Variants in KCNAB1 observed in about 807,000 individuals in gnomAD.
The protein encoded by KCNAB1 is voltage-gated potassium channel subunit beta-1.
Under a neutral mutation model 64.6 loss-of-function variants are expected in KCNAB1, and 35 were observed. The observed-to-expected ratio is 0.54, with a 90% CI of 0.41 to 0.72. KCNAB1 has a LOEUF of 0.72. Ranked by LOEUF, KCNAB1 falls within the 30% of genes least tolerant of loss-of-function variation. The probability of loss-of-function intolerance (pLI) is 0.00; values close to 1 mark genes in which losing one functional copy is unlikely to be tolerated. For synonymous variants in KCNAB1, 177 were observed against 183.8 expected, an observed-to-expected ratio of 0.96 and a Z score of 0.30; for missense variants, 401 against 512.9, an observed-to-expected ratio of 0.78 and a Z score of 2.11.
At chr3:156,529,507 G>T (rs1442414585) in intron 12 of KCNAB1, among the ~76,000 whole-genome samples, 1 of 147,874 alleles carries the variant, frequency 6.8e-6, no homozygotes, top group Non-Finnish European at 1.5e-5. Context: ...AAAAAAAAGA[G>T]CATGGTCCCA....
chr3:156,143,031 A>G (rs1456034561), intron 1 of KCNAB1: 1 of 1,347,468 alleles, frequency 7.4e-7, no homozygotes, highest in African/African-American at 1.5e-5. Flanking sequence ...CTCGCCTACA[A>G]AAATGATAAG....
intron 11 of KCNAB1, among the ~76,000 whole-genome samples, chr3:156,521,094 C>G (rs1717912704): frequency 1.3e-5 from 2 of 152,128 alleles, no homozygotes; most frequent in South Asian, 4.1e-4. Context: ...ATACATAAAA[C>G]TAATAGCCAA....
intron 2 of KCNAB1, among the ~76,000 whole-genome samples, chr3:156,423,340 C>T (rs1344877911): frequency 6.6e-6 from 1 of 152,186 alleles, no homozygotes; most frequent in African/African-American, 2.4e-5. Flanking sequence ...GTGAGAAGCA[C>T]ACAAGGAGAC....
At chr3:156,478,974 G>A (rs111462336) in intron 8 of KCNAB1, among the ~76,000 whole-genome samples, 52 of 152,172 alleles carry the variant, frequency 3.4e-4, no homozygotes, top group African/African-American at 1.2e-3. Flanking sequence ...ATGGAATACA[G>A]TTAGACATTT....
chr3:156,354,008 C>T (rs1030225112), intron 1 of KCNAB1, among the ~76,000 whole-genome samples: 12 of 150,808 alleles, frequency 8.0e-5, no homozygotes, highest in Admixed American at 6.0e-4. Context: ...AAAGGCCCCC[C>T]ACAGTAGAGG....
At chr3:156,494,154 G>T (rs1715834511) in intron 8 of KCNAB1, among the ~76,000 whole-genome samples, 1 of 152,112 alleles carries the variant, frequency 6.6e-6, no homozygotes, top group Non-Finnish European at 1.5e-5. Context: ...TTCAACGTTT[G>T]CAGGGGAAGG....
At chr3:156,498,664 C>T (rs1221328857) in intron 8 of KCNAB1, among the ~76,000 whole-genome samples, 1 of 152,158 alleles carries the variant, frequency 6.6e-6, no homozygotes, top group Non-Finnish European at 1.5e-5. Context: ...TAAAGAAGAC[C>T]AATGATTAAC....
intron 1 of KCNAB1, chr3:156,291,887 C>T: frequency 6.2e-7 from 1 of 1,613,712 alleles, no homozygotes. Context: ...TGAGAGGGAC[C>T]GTGCGCTGCC....
Position 156,515,178 on chromosome 3 carries a change from G to C in KCNAB1, c.823G>C (p.Glu275Gln), listed in dbSNP as rs1242599072. 4.3e-6 allele frequency: 7 copies of C among 1,613,344 alleles called. No individual in the cohort carries two copies. Among genetic ancestry groups the C allele is most frequent in the Non-Finnish European group, 5.9e-6 (7 of 1,179,612 alleles). ...EQAEYHLFQR[E>Q]KVEVQLPELY... ...AGCTGAGTACCATCTTTTCCAGAGA[G>C]AGAAAGTGGAGGTCCAGCTGCCAGA... is the stretch of plus-strand genomic sequence containing the variant. Residue 275 changes from glutamate (E) to glutamine (Q), a missense_variant, in exon 10 of 14, where the codon GAG (glutamate) becomes CAG (glutamine). Glu to Gln is a conservative substitution (Grantham distance 29, BLOSUM62 2). Coordinates refer to ENST00000490337, the MANE Select transcript of KCNAB1 (RefSeq NM_172160.3).
chr3:156,405,638 T>C (rs1483358933), intron 1 of KCNAB1, among the ~76,000 whole-genome samples: 1 of 152,264 alleles, frequency 6.6e-6, no homozygotes, highest in African/African-American at 2.4e-5. Context: ...TTTAGGCTTT[T>C]TTATCTACGC....
chr3:156,209,575 G>C (rs971825829), intron 1 of KCNAB1, among the ~76,000 whole-genome samples: 4 of 152,178 alleles, frequency 2.6e-5, no homozygotes, highest in African/African-American at 9.6e-5. Flanking sequence ...TAGACTGCAT[G>C]CATTTCAGTT....
At chr3:156,333,310 G>T (rs868261976) in intron 1 of KCNAB1, among the ~76,000 whole-genome samples, 3 of 138,604 alleles carry the variant, frequency 2.2e-5, no homozygotes, top group South Asian at 2.4e-4. Context: ...GTATACAAAC[G>T]CACATAGAAA....
intron 1 of KCNAB1, among the ~76,000 whole-genome samples, chr3:156,278,802 T>C (rs1466613505): frequency 6.6e-6 from 1 of 151,986 alleles, no homozygotes; most frequent in African/African-American, 2.4e-5. Context: ...GAGACAAAAG[T>C]TCAGCATGCT....
At chr3:156,483,639 T>C (rs1055741030) in intron 8 of KCNAB1, among the ~76,000 whole-genome samples, 1 of 152,136 alleles carries the variant, frequency 6.6e-6, no homozygotes, top group African/African-American at 2.4e-5. Context: ...TTTGTTTCAC[T>C]TTCTTTCTTG....
chr3:156,163,489 T>C (rs182710387), intron 1 of KCNAB1, among the ~76,000 whole-genome samples: 131 of 152,294 alleles, frequency 8.6e-4, no homozygotes, highest in African/African-American at 3.1e-3. Flanking sequence ...AAGAATGAGA[T>C]TACTATCTGG....
chr3:156,224,223 C>T (rs13084227), intron 1 of KCNAB1, among the ~76,000 whole-genome samples: 6 of 152,302 alleles, frequency 3.9e-5, no homozygotes, highest in South Asian at 4.1e-4. Context: ...GCTCTGAGTG[C>T]GGGCCCACTG....
intron 1 of KCNAB1, among the ~76,000 whole-genome samples, chr3:156,356,834 CA>C (rs1309525152): frequency 1.3e-5 from 2 of 152,142 alleles, no homozygotes; most frequent in East Asian, 3.8e-4. Flanking sequence ...AATTCTCTAG[CA>C]ATTATGAAAT....
chr3:156,426,547 C>A (rs1308857968), intron 2 of KCNAB1, among the ~76,000 whole-genome samples: 5 of 152,120 alleles, frequency 3.3e-5, no homozygotes, highest in African/African-American at 1.2e-4. Flanking sequence ...TGGGTTTTGA[C>A]AAATATATAA....
intron 1 of KCNAB1, among the ~76,000 whole-genome samples, chr3:156,139,584 G>GTT (rs386398329): frequency 0.37 from 20,213 of 55,108 alleles, 6,742 homozygotes; most frequent in Non-Finnish European, 0.45. Context: ...ATTGTACTGT[G>GTT]TTTTTTTTTT....
Sources: allele counts gnomAD v4.1 joint callset (sites outside exome capture counted in the v4.1 genomes callset), GRCh38; gene constraint gnomAD v4.1.1; transcripts MANE v1.5; gene names NCBI Gene and HGNC (gene_info 2026-07-23, HGNC 2026-07-21).